ACBD4: variants seen among roughly 807,000 people sequenced by gnomAD.
ACBD4 encodes the protein acyl-CoA binding domain containing 4.
In ACBD4, 41 loss-of-function variants were observed where a neutral mutation model predicts 46.0. The ratio of observed to expected loss-of-function variants is 0.89; its 90% CI spans 0.69 to 1.16. The LOEUF (loss-of-function observed/expected upper bound fraction) is 1.16, where lower values mean the gene tolerates loss of function less well. Among genes scored for constraint, ACBD4 ranks in the 50% most tolerant of loss-of-function variants. The pLI, the probability that ACBD4 is intolerant of heterozygous loss-of-function variation, is 0.00. For synonymous variants in ACBD4, 162 were observed against 155.9 expected, an observed-to-expected ratio of 1.04 and a Z score of -0.29; for missense variants, 393 against 399.5, an observed-to-expected ratio of 0.98 and a Z score of 0.14.
chr17:45,136,685 C>T lies in ACBD4; in HGVS notation c.210-7C>T, dbSNP rs776118555. 10 of 1,614,078 alleles carry T rather than the reference C, an allele frequency of 6.2e-6. No individual in the cohort carries two copies. Among genetic ancestry groups the T allele is most frequent in the Non-Finnish European group, 4.2e-6 (5 of 1,179,996 alleles). On this transcript the variant is annotated splice_polypyrimidine_tract_variant and splice_region_variant and intron_variant, in intron 3 of 9. Coordinates refer to ENST00000321854, the MANE Select transcript of ACBD4 (RefSeq NM_001135705.3). ...CAAGCAGCCCTCTCACAGCCCTCTGCCCCCAGGGACGCCTGGAACAGTCTG... is the reference window on the plus strand; with the variant it reads ...CAAGCAGCCCTCTCACAGCCCTCTGTCCCCAGGGACGCCTGGAACAGTCTG...
chr17:45,140,331 C>T (rs1257690254), intron 9 of ACBD4, among the ~76,000 whole-genome samples: 7 of 151,068 alleles, frequency 4.6e-5, no homozygotes, highest in African/African-American at 1.7e-4. Flanking sequence ...CTACAGGCAG[C>T]ACCACCATGC....
chr17:45,131,870 GC>G (rs142674731), upstream of ACBD4, among the ~76,000 whole-genome samples: 95 of 152,292 alleles, frequency 6.2e-4, no homozygotes, highest in African/African-American at 2.2e-3. Flanking sequence ...CTTCCTAAGG[GC>G]TGCCAAGACC....
In ACBD4 at chr17:45,136,162, A is replaced by G. The variant is rs377728794; in HGVS notation, c.18A>G (p.Glu6=). Residue 6 remains glutamate, a synonymous_variant, in exon 2 of 10, where the codon GAA becomes GAG. Transcript: ENST00000321854. MGTEK[E]SPEPDCQKQF... The stretch of plus-strand genomic sequence containing the variant: ...GCAGCAGCATGGGCACCGAGAAAGA[A>G]AGCCCAGAGCCCGACTGCCAGAAAC... 2 of 1,613,624 alleles carry G rather than the reference A, an allele frequency of 1.2e-6. No homozygotes were observed.
At position 45,142,416 on chromosome 17, in the gene ACBD4, A is replaced by AAAAG. The variant is rs1567909452; in HGVS notation, c.790-1011_790-1008dup. 1.0e-4 allele frequency among the ~76,000 whole-genome samples: 15 copies of AAAAG among 146,790 alleles called. No individual in the cohort carries two copies. The South Asian group carries it at 1.1e-3, about 11-fold the overall frequency. On this transcript the variant is annotated intron_variant, in intron 9 of 9. Transcript: ENST00000321854. Reference sequence around the variant, plus strand: ...AAAAAAAAAAAAAAAAAAAAAAAAAAAAAGAAAGAAAGAAAGAAAAAGAAA... The same window carrying AAAAG: ...AAAAAAAAAAAAAAAAAAAAAAAAAAAAAGAAAGAAAGAAAGAAAGAAAAAGAAA...
Position 45,137,037 on chromosome 17 carries a change from C to T in ACBD4, c.313C>T (p.Leu105=). ...CCTACAGGTGATCGACACAGTGCCCCTGGGTGAGGTGGCAGAGGACATGTT... is the reference window on the plus strand; with the variant it reads ...CCTACAGGTGATCGACACAGTGCCCTTGGGTGAGGTGGCAGAGGACATGTT... ...VAQKVIDTVP[L]GEVAEDMFGY... is the part of the protein sequence containing the mutation. The change falls in exon 5 of 10, where the codon CTG becomes TTG. Residue 105 remains leucine (L), a synonymous_variant. Coordinates refer to ENST00000321854, the MANE Select transcript of ACBD4 (RefSeq NM_001135705.3). The T allele has an allele frequency of 1.2e-6, 2 of 1,614,116 alleles. No homozygotes were observed. Among genetic ancestry groups the T allele is most frequent in the Non-Finnish European group, 1.7e-6 (2 of 1,180,004 alleles).
At chr17:45,136,317 A>C (rs1485781041) in intron 2 of ACBD4, 85 bp downstream of exon 2, 1 of 1,566,544 alleles carries the variant, frequency 6.4e-7, no homozygotes. Flanking sequence ...TGATCACTGC[A>C]GTTTTTGCAG....
chr17:45,132,596 CG>C (rs2054487641), upstream of ACBD4: 1 of 69,888 alleles, frequency 1.4e-5, no homozygotes, highest in Non-Finnish European at 2.9e-5. This position sits in a 1 kb window ranked among gnomAD's most constrained non-coding sequence, Gnocchi z 4.6. Flanking sequence ...GGGGCGGGGC[CG>C]GGGCGGTGCG....
chr17:45,137,677 A>G, intron 6 of ACBD4, 83 bp from the exon 7 acceptor site: 2 of 1,509,724 alleles, frequency 1.3e-6, no homozygotes, highest in Non-Finnish European at 1.8e-6. Flanking sequence ...GTGTCTCCTA[A>G]ACAGGTGCTT....
upstream of ACBD4, among the ~76,000 whole-genome samples, chr17:45,134,930 G>C (rs1463605614): frequency 1.3e-5 from 2 of 149,420 alleles, no homozygotes; most frequent in African/African-American, 4.9e-5. Flanking sequence ...ACCCTTCCCA[G>C]CCTCTGGTAA....
upstream of ACBD4, among the ~76,000 whole-genome samples, chr17:45,134,546 GT>G (rs1483336080): frequency 2.6e-5 from 4 of 152,314 alleles, no homozygotes. Flanking sequence ...GGAGGCCGAG[GT>G]CGGCGGATCA....
In ACBD4 at chr17:45,143,783, GGCTCCCCT is replaced by G; in HGVS notation, c.*214_*221del. ...TCCTTCCCTCCCCGCAACCACCCCA[GGCTCCCCT>G]GGGAGGCTGCAGTTGTGGTACACGT... is the stretch of plus-strand genomic sequence containing the variant. On this transcript the variant is annotated 3_prime_UTR_variant, in exon 10 of 10. Coordinates refer to ENST00000321854, the MANE Select transcript of ACBD4 (RefSeq NM_001135705.3). The G allele has an allele frequency of 1.3e-6, 1 of 779,240 alleles. No homozygotes were observed. Among genetic ancestry groups the G allele is most frequent in the Non-Finnish European group, 2.0e-6 (1 of 497,706 alleles). 48.3% of individuals were successfully genotyped at this position (779,240 alleles called of 1,614,324 possible).
At chr17:45,137,262 G>T (rs2143795790) in intron 5 of ACBD4, 106 bp from the exon 6 acceptor site, 1 of 1,594,628 alleles carries the variant, frequency 6.3e-7, no homozygotes, top group East Asian at 2.2e-5. Flanking sequence ...GCCCCCGAGA[G>T]GTGGATCCCA....
intron 9 of ACBD4, among the ~76,000 whole-genome samples, chr17:45,140,472 C>T (rs1428984680): frequency 6.7e-6 from 1 of 150,264 alleles, no homozygotes; most frequent in Non-Finnish European, 1.5e-5. Context: ...TGAGCCACCA[C>T]GCCTGGCCCC....
intron 8 of ACBD4, among the ~76,000 whole-genome samples, chr17:45,138,701 T>G (rs529001090): frequency 6.6e-6 from 1 of 151,082 alleles, no homozygotes; most frequent in South Asian, 2.1e-4. Flanking sequence ...GGCAGGAGAA[T>G]CGCTTGAATC....
chr17:45,132,256 T>G, upstream of ACBD4: 1 of 1,275,042 alleles, frequency 7.8e-7, no homozygotes, highest in Non-Finnish European at 9.9e-7. The surrounding 1 kb of genome is among the most constrained non-coding windows in gnomAD (Gnocchi z 4.6). Flanking sequence ...ACCCATCTTC[T>G]TCAGCGCCCG....
intron 8 of ACBD4, chr17:45,138,673 A>C (rs1224612798): frequency 3.6e-6 from 1 of 280,732 alleles, no homozygotes; most frequent in Non-Finnish European, 6.9e-6. Flanking sequence ...CTATAATCCC[A>C]GGTATTCGGG....
upstream of ACBD4, chr17:45,132,489 C>A: frequency 2.3e-6 from 2 of 858,646 alleles, no homozygotes; most frequent in South Asian, 5.5e-5. The surrounding 1 kb of genome is among the most constrained non-coding windows in gnomAD (Gnocchi z 4.6). Flanking sequence ...GGCCCGGCCC[C>A]GGCTCTGAGC....
intron 8 of ACBD4, 67 bp from the exon 9 acceptor site, chr17:45,138,954 T>C: frequency 6.4e-7 from 1 of 1,562,572 alleles, no homozygotes; most frequent in South Asian, 1.1e-5. Context: ...TGCCCCAGCC[T>C]GCCCCCACCC....
upstream of ACBD4, chr17:45,132,424 G>C: frequency 8.3e-7 from 1 of 1,202,948 alleles, no homozygotes; most frequent in Non-Finnish European, 1.0e-6. The surrounding 1 kb of genome is among the most constrained non-coding windows in gnomAD (Gnocchi z 4.6). Context: ...TTGGCGGGGG[G>C]CCGGGGCCGG....
Sources: allele counts gnomAD v4.1 joint callset (sites outside exome capture counted in the v4.1 genomes callset), GRCh38; gene constraint gnomAD v4.1.1; non-coding constraint Gnocchi (gnomAD v3.1); transcripts MANE v1.5; gene names NCBI Gene and HGNC (gene_info 2026-07-23, HGNC 2026-07-21).